HS6ST2: variants seen among roughly 807,000 people sequenced by gnomAD.
HS6ST2 encodes heparan sulfate 6-O-sulfotransferase 2, also known as heparan-sulfate 6-O-sulfotransferase 2.
In HS6ST2, 17 loss-of-function variants were observed where a neutral mutation model predicts 33.0. The ratio of observed to expected loss-of-function variants is 0.52; its 90% CI spans 0.35 to 0.77. HS6ST2 has a LOEUF of 0.77. HS6ST2 is among the 30% of genes least tolerant of loss of function. HS6ST2 has a pLI of 0.01. For synonymous variants in HS6ST2, 248 were observed against 237.1 expected, an observed-to-expected ratio of 1.05 and a Z score of -0.42; for missense variants, 519 against 551.7, an observed-to-expected ratio of 0.94 and a Z score of 0.59.
At chrX:132,857,585 A>C (rs2065865589) in intron 2 of HS6ST2, among the ~76,000 whole-genome samples, 1 of 112,375 alleles carries the variant, frequency 8.9e-6, no homozygotes, top group African/African-American at 3.2e-5. Context: ...AAAGCAATTA[A>C]AAGTACGGAG....
At chrX:132,866,778 T>C (rs1275605762) in intron 2 of HS6ST2, among the ~76,000 whole-genome samples, 3 of 84,852 alleles carry the variant, frequency 3.5e-5, no homozygotes, top group African/African-American at 1.3e-4. Flanking sequence ...TGGCTCTCTG[T>C]TTGTCTGTTG....
At chrX:132,903,697 T>TATCA (rs1269749228) in intron 2 of HS6ST2, among the ~76,000 whole-genome samples, 6 of 112,175 alleles carry the variant, frequency 5.3e-5, no homozygotes, top group African/African-American at 1.9e-4. Flanking sequence ...TACATCACAA[T>TATCA]ATCAATTTTT....
intron 2 of HS6ST2, among the ~76,000 whole-genome samples, chrX:132,756,820 GGTGT>G (rs3065679): frequency 0.022 from 2,171 of 97,237 alleles, 63 homozygotes; most frequent in African/African-American, 0.071. Context: ...CCCTGTGCAT[GGTGT>G]GTGTGTGTGT....
chrX:132,692,367 T>A (rs1018447650), intron 3 of HS6ST2, among the ~76,000 whole-genome samples: 2 of 111,153 alleles, frequency 1.8e-5, no homozygotes, highest in Non-Finnish European at 3.8e-5. Flanking sequence ...GAGTATGGTA[T>A]TTATCCATCA....
intron 3 of HS6ST2, among the ~76,000 whole-genome samples, chrX:132,698,690 A>G (rs1463132594): frequency 9.0e-6 from 1 of 111,514 alleles, no homozygotes; most frequent in African/African-American, 3.3e-5. Context: ...ATCCATCCAC[A>G]AAGGATAAGT....
chrX:132,821,306 G>A (rs5933206), intron 2 of HS6ST2, among the ~76,000 whole-genome samples: 31,021 of 102,273 alleles, frequency 0.3, 3,987 homozygotes, highest in African/African-American at 0.34. Flanking sequence ...TCCACCTCCC[G>A]GGTTCACGCC....
intron 3 of HS6ST2, among the ~76,000 whole-genome samples, chrX:132,683,777 G>A (rs745644144): frequency 2.7e-5 from 3 of 111,173 alleles, no homozygotes; most frequent in Non-Finnish European, 5.6e-5. Flanking sequence ...GGAGCACCAG[G>A]TCAGAGCAAG....
At chrX:132,869,244 C>A (rs2066029338) in intron 2 of HS6ST2, among the ~76,000 whole-genome samples, 1 of 111,496 alleles carries the variant, frequency 9.0e-6, no homozygotes, top group Non-Finnish European at 1.9e-5. Flanking sequence ...AAGTCAAATC[C>A]CTGAATAGGC....
At chrX:132,766,337 A>G (rs1184175468) in intron 2 of HS6ST2, among the ~76,000 whole-genome samples, 5 of 112,385 alleles carry the variant, frequency 4.4e-5, no homozygotes. Context: ...TATCATATCT[A>G]AGAAAGGCAG....
rs73237372 is a variant in HS6ST2 at position 132,739,982 on chromosome X, T to G, written c.948-31488A>C. ...AGTTAAGATTTGTAGACATAAACAG[T>G]AGTGTCTGATGAATTCTTTATGTGA... is the stretch of plus-strand genomic sequence containing the variant. On this transcript the variant is annotated intron_variant, in intron 2 of 4. Coordinates refer to ENST00000370833, the MANE Select transcript of HS6ST2 (RefSeq NM_001394073.1). Among the ~76,000 whole-genome samples the G allele has an allele frequency of 9.8e-3, 1,089 of 111,393 alleles. 10 individuals are homozygous for G. The highest frequency in any genetic ancestry group is 0.014 in the Non-Finnish European group (725 of 53,069).
intron 3 of HS6ST2, among the ~76,000 whole-genome samples, chrX:132,691,046 G>T (rs2064059931): frequency 8.9e-6 from 1 of 112,070 alleles, no homozygotes; most frequent in East Asian, 2.8e-4. Context: ...GAATTTTTGT[G>T]AAAGAGGCAA....
chrX:132,951,035 C>G (rs1480944654), intron 2 of HS6ST2, among the ~76,000 whole-genome samples: 1 of 110,518 alleles, frequency 9.0e-6, no homozygotes, highest in Non-Finnish European at 1.9e-5. Flanking sequence ...CCTTATAAGT[C>G]CTGTCCACTA....
chrX:132,642,486 G>C (rs989550876), intron 4 of HS6ST2, among the ~76,000 whole-genome samples: 1 of 111,486 alleles, frequency 9.0e-6, no homozygotes, highest in African/African-American at 3.3e-5. Flanking sequence ...CATTTGAACT[G>C]TAAAGAATTG....
chrX:132,754,579 T>C lies in HS6ST2; in HGVS notation c.948-46085A>G, dbSNP rs1353395694. 2.8e-5 allele frequency among the ~76,000 whole-genome samples: 3 copies of C among 108,324 alleles called. No individual in the cohort carries two copies. The Admixed American group carries it at 3.0e-4, about 11-fold the overall frequency. The allele number at this position is 108,324 out of a possible 115,157, so 94.1% of individuals were successfully genotyped here. ...CTACAGGTGCCTGCCACCACGCCCA[T>C]CTAATTTTTTTATATTTTTAGTAGA... On this transcript the variant is annotated intron_variant, in intron 2 of 4. Coordinates refer to ENST00000370833, the MANE Select transcript of HS6ST2 (RefSeq NM_001394073.1).
intron 2 of HS6ST2, among the ~76,000 whole-genome samples, chrX:132,790,008 A>G (rs1018786794): frequency 8.9e-6 from 1 of 112,652 alleles, no homozygotes; most frequent in Non-Finnish European, 1.9e-5. Context: ...AACATTTAGA[A>G]TATTACATAA....
intron 2 of HS6ST2, among the ~76,000 whole-genome samples, chrX:132,946,595 C>G (rs1484177549): frequency 9.0e-6 from 1 of 110,801 alleles, no homozygotes; most frequent in African/African-American, 3.3e-5. Context: ...GGGTGGGGAA[C>G]ATCACACACT....
chrX:132,724,116 G>A (rs1432209931), intron 2 of HS6ST2, among the ~76,000 whole-genome samples: 2 of 106,142 alleles, frequency 1.9e-5, no homozygotes, highest in African/African-American at 7.0e-5. Flanking sequence ...CCAGCCTGGT[G>A]ACAAAGCAAG....
intron 2 of HS6ST2, among the ~76,000 whole-genome samples, chrX:132,738,893 AG>A (rs766279660): frequency 4.5e-5 from 5 of 111,953 alleles, no homozygotes; most frequent in Non-Finnish European, 9.4e-5. Flanking sequence ...ACTCAATAAA[AG>A]GAGATACTTG....
At chrX:132,851,363 G>T (rs1602748304) in intron 2 of HS6ST2, among the ~76,000 whole-genome samples, 1 of 112,459 alleles carries the variant, frequency 8.9e-6, no homozygotes, top group Non-Finnish European at 1.9e-5. Flanking sequence ...CCTCCCGTAA[G>T]ATAAGTAAGT....
Sources: allele counts gnomAD v4.1 joint callset (sites outside exome capture counted in the v4.1 genomes callset), GRCh38; gene constraint gnomAD v4.1.1; transcripts MANE v1.5; gene names NCBI Gene and HGNC (gene_info 2026-07-23, HGNC 2026-07-21).